SNX24: variants seen among roughly 807,000 people sequenced by gnomAD.
SNX24 encodes sorting nexin-24.
In SNX24, 22 loss-of-function variants were observed where a neutral mutation model predicts 28.7. The ratio of observed to expected loss-of-function variants is 0.77; its 90% CI spans 0.55 to 1.10. The LOEUF is 1.10. Among genes scored for constraint, SNX24 ranks in the 50% least tolerant of loss-of-function variants. The pLI, the probability that SNX24 is intolerant of heterozygous loss-of-function variation, is 0.00. For missense variants in SNX24, 221 were observed against 201.1 expected (o/e 1.10, Z -0.60); for synonymous variants, 69 against 71.5 (o/e 0.96, Z 0.18).
At position 122,885,537 on chromosome 5, in the gene SNX24, G is replaced by A. The variant is rs1044638233; in HGVS notation, c.60+39844G>A. On this transcript the variant is annotated intron_variant, in intron 1 of 6. Transcript: ENST00000261369. ...TGTGACAGTTTTTGGTGTACTGAAA[G>A]CACCCATTCTTATATCTCTAAGGAA... Among the ~76,000 whole-genome samples the A allele has an allele frequency of 3.5e-5, 5 of 141,122 alleles. No individual in the cohort carries two copies. In the East Asian group the frequency reaches 1.1e-3, roughly 31 times the overall value. The allele number at this position is 141,122 out of a possible 152,430, so 92.6% of individuals were successfully genotyped here.
intron 3 of SNX24, among the ~76,000 whole-genome samples, chr5:122,988,750 G>A (rs1761707138): frequency 6.6e-6 from 1 of 152,126 alleles, no homozygotes; most frequent in African/African-American, 2.4e-5. Flanking sequence ...TCTTTGTTTA[G>A]GTTCATCTCA....
intron 1 of SNX24, among the ~76,000 whole-genome samples, chr5:122,935,301 T>C (rs888448682): frequency 6.6e-6 from 1 of 152,182 alleles, no homozygotes; most frequent in African/African-American, 2.4e-5. Context: ...TGAGGTGTTT[T>C]CCTGATTCTA....
intron 1 of SNX24, among the ~76,000 whole-genome samples, chr5:122,928,273 C>A (rs866336681): frequency 1.3e-5 from 2 of 152,182 alleles, no homozygotes; most frequent in African/African-American, 4.8e-5. Context: ...GACTCACTCC[C>A]TCCTGTCATT....
chr5:122,855,696 TG>T (rs796427477), intron 1 of SNX24, among the ~76,000 whole-genome samples: 3 of 152,230 alleles, frequency 2.0e-5, no homozygotes, highest in African/African-American at 7.2e-5. Flanking sequence ...CTATATCCTT[TG>T]TTGTCATTTC....
chr5:122,966,618 G>A (rs1760725221), intron 3 of SNX24, among the ~76,000 whole-genome samples: 1 of 152,152 alleles, frequency 6.6e-6, no homozygotes, highest in Non-Finnish European at 1.5e-5. Context: ...CAATAGTAAG[G>A]ACTTGAATGG....
chr5:122,956,367 TACACACACACACACACACACAC>T (rs9327282), intron 3 of SNX24, among the ~76,000 whole-genome samples: 3 of 147,248 alleles, frequency 2.0e-5, no homozygotes, highest in African/African-American at 5.0e-5. Context: ...AAAAAATATA[TACACACACACACACACACACAC>T]ACACACACAC....
chr5:122,933,529 AATAGTAGGT>A (rs1285727142), intron 1 of SNX24, among the ~76,000 whole-genome samples: 2 of 152,194 alleles, frequency 1.3e-5, no homozygotes, highest in Non-Finnish European at 2.9e-5. Context: ...AAGCTGAGGT[AATAGTAGGT>A]ATGGCCTTGT....
At chr5:123,018,899 C>T (rs918978919) in intron 5 of SNX24, among the ~76,000 whole-genome samples, 3 of 152,150 alleles carry the variant, frequency 2.0e-5, no homozygotes, top group African/African-American at 7.2e-5. Flanking sequence ...ATTGGCCAGG[C>T]TGGTCTCGAA....
chr5:122,958,615 G>A (rs1760323087), intron 3 of SNX24, among the ~76,000 whole-genome samples: 1 of 151,926 alleles, frequency 6.6e-6, no homozygotes, highest in African/African-American at 2.4e-5. Context: ...TCTTCTGTTA[G>A]TGTGGTATAT....
chr5:122,931,699 G>A (rs1366384549), intron 1 of SNX24, among the ~76,000 whole-genome samples: 1 of 152,042 alleles, frequency 6.6e-6, no homozygotes, highest in African/African-American at 2.4e-5. Flanking sequence ...CCAGCGTAAC[G>A]ATACACTGAC....
At chr5:122,975,190 T>A (rs1023175526) in intron 3 of SNX24, among the ~76,000 whole-genome samples, 1 of 152,230 alleles carries the variant, frequency 6.6e-6, no homozygotes, top group African/African-American at 2.4e-5. Context: ...TTGGTCTTAG[T>A]TCTCCACACC....
At chr5:122,922,648 C>T (rs1459440781) in intron 1 of SNX24, among the ~76,000 whole-genome samples, 1 of 152,170 alleles carries the variant, frequency 6.6e-6, no homozygotes, top group South Asian at 2.1e-4. Context: ...TCTGCAGTTG[C>T]CATCCTCTCA....
intron 1 of SNX24, among the ~76,000 whole-genome samples, chr5:122,890,694 C>A (rs1272161187): frequency 2.0e-5 from 3 of 152,130 alleles, no homozygotes; most frequent in African/African-American, 7.2e-5. Flanking sequence ...TGGTCTCGAA[C>A]TTCTGACCTC....
chr5:122,849,285 G>T (rs768150314), intron 1 of SNX24, among the ~76,000 whole-genome samples: 1 of 152,154 alleles, frequency 6.6e-6, no homozygotes, highest in Non-Finnish European at 1.5e-5. Flanking sequence ...GGCCTGTACT[G>T]TGTTGGTGGC....
intron 1 of SNX24, among the ~76,000 whole-genome samples, chr5:122,909,090 A>G (rs1484460344): frequency 6.6e-6 from 1 of 152,158 alleles, no homozygotes; most frequent in Non-Finnish European, 1.5e-5. Flanking sequence ...CACTTATTCC[A>G]CATATGAATA....
chr5:122,900,937 G>A (rs1056279416), intron 1 of SNX24, among the ~76,000 whole-genome samples: 2 of 151,890 alleles, frequency 1.3e-5, no homozygotes, highest in African/African-American at 2.4e-5. Context: ...GTGGTGGCTC[G>A]TGCCTGTAAT....
chr5:123,006,593 C>G (rs980732039), intron 6 of SNX24, among the ~76,000 whole-genome samples: 1 of 152,240 alleles, frequency 6.6e-6, no homozygotes, highest in Non-Finnish European at 1.5e-5. Flanking sequence ...CAGTAGCTTC[C>G]CATTGAGTTT....
chr5:122,902,847 C>A (rs945609674), intron 1 of SNX24, among the ~76,000 whole-genome samples: 2 of 152,216 alleles, frequency 1.3e-5, no homozygotes, highest in Non-Finnish European at 2.9e-5. Context: ...AATTCCCCTC[C>A]TTTTGATGAC....
At chr5:122,892,064 A>G (rs1345313544) in intron 1 of SNX24, among the ~76,000 whole-genome samples, 1 of 152,194 alleles carries the variant, frequency 6.6e-6, no homozygotes, top group African/African-American at 2.4e-5. Flanking sequence ...TAATTTTGAG[A>G]AATTAAAATT....
Sources: gnomAD v4.1 joint callset for allele counts (sites outside exome capture counted in the v4.1 genomes callset) on GRCh38, gnomAD v4.1.1 for gene constraint, MANE v1.5 for transcripts, NCBI Gene and HGNC (gene_info 2026-07-23, HGNC 2026-07-21) for gene names.